The following ZNF519 variants were observed in gnomAD, a reference collection of about 807,000 sequenced individuals.
ZNF519 encodes zinc finger protein 519.
In ZNF519, 7 loss-of-function variants were observed where a neutral mutation model predicts 7.4. The ratio of observed to expected loss-of-function variants is 0.94; its 90% CI spans 0.54 to 1.77. The LOEUF (loss-of-function observed/expected upper bound fraction) is 1.77, where lower values mean the gene tolerates loss of function less well. Ranked by LOEUF, ZNF519 falls within the 40% of genes most tolerant of loss-of-function variation. The pLI, the probability that ZNF519 is intolerant of heterozygous loss-of-function variation, is 0.00. For synonymous variants in ZNF519, 179 were observed against 203.3 expected, an observed-to-expected ratio of 0.88 and a Z score of 1.02; for missense variants, 586 against 623.1, an observed-to-expected ratio of 0.94 and a Z score of 0.63.
intron 2 of ZNF519, among the ~76,000 whole-genome samples, chr18:14,112,737 T>C (rs2046227661): frequency 6.6e-6 from 1 of 152,124 alleles, no homozygotes; most frequent in Non-Finnish European, 1.5e-5. Flanking sequence ...TAAAGATCTG[T>C]ACAATGAACA....
In ZNF519 at chr18:14,102,029, G is replaced by A. The variant is rs912918612; in HGVS notation, c.*2888C>T. On this transcript the variant is annotated 3_prime_UTR_variant, in exon 3 of 3. Coordinates refer to ENST00000590202, the MANE Select transcript of ZNF519 (RefSeq NM_145287.4). ...TGATTATGTTTTTTGAGAATTTTAT[G>A]CCCTGGTAGACCACAAATGAACAAT... 1.0e-5 allele frequency: 3 copies of A among 299,618 alleles called. No homozygotes were observed. Among genetic ancestry groups the A allele is most frequent in the African/African-American group, 6.5e-5 (3 of 46,472 alleles). 18.6% of individuals were successfully genotyped at this position (299,618 alleles called of 1,614,324 possible).
At chr18:14,120,956 G>GGT (rs148411038) in intron 2 of ZNF519, among the ~76,000 whole-genome samples, 23 of 151,346 alleles carry the variant, frequency 1.5e-4, no homozygotes, top group Non-Finnish European at 2.7e-4. Flanking sequence ...GACAAAATAT[G>GGT]GTGTGTGTGT....
At position 14,132,258 on chromosome 18, in the gene ZNF519, C is replaced by A. The variant is rs2046334574; in HGVS notation, c.3+17G>T. The A allele has an allele frequency of 6.2e-7, 1 of 1,613,830 alleles. No individual in the cohort carries two copies. Among genetic ancestry groups the A allele is most frequent in the Admixed American group, 1.7e-5 (1 of 60,016 alleles). ...GCCCCCTCCCCAGTCTCGGTACGCC[C>A]TGCCCCCCACACTCACCATTTCTCG... On this transcript the variant is annotated intron_variant, in intron 1 of 2. Transcript: ENST00000590202.
chr18:14,111,560 A>G, intron 2 of ZNF519, among the ~76,000 whole-genome samples: 1 of 151,592 alleles, frequency 6.6e-6, no homozygotes. Context: ...AGAAAAAAAG[A>G]CTCAAATAAA....
At chr18:14,086,000 A>G (rs2143088020) in intron 2 of ZNF519, among the ~76,000 whole-genome samples, 1 of 152,228 alleles carries the variant, frequency 6.6e-6, no homozygotes, top group East Asian at 1.9e-4. Context: ...CCCAGTTTCC[A>G]TTGGCTTTGG....
chr18:14,124,590 TTAACACAGTA>T, intron 1 of ZNF519, 114 bp from the exon 2 acceptor site: 3 of 1,297,450 alleles, frequency 2.3e-6, no homozygotes, highest in Non-Finnish European at 3.2e-6. Context: ...AAAATAACTT[TTAACACAGTA>T]ATGTTCTCTA....
downstream of ZNF519, among the ~76,000 whole-genome samples, chr18:14,096,765 G>A (rs1354236226): frequency 1.3e-5 from 2 of 152,172 alleles, no homozygotes; most frequent in Non-Finnish European, 2.9e-5. Context: ...AATCTCTCTT[G>A]TGCAAAACAG....
Position 14,102,056 on chromosome 18 carries a change from T to A in ZNF519, c.*2861A>T, listed in dbSNP as rs1330260999. ...CCTGGTAGACCACAAATGAACAATC[T>A]TTGTCAACACCATTTTGTTAATTTG... On this transcript the variant is annotated 3_prime_UTR_variant, in exon 3 of 3. Transcript: ENST00000590202. 1 of 255,178 alleles carries A rather than the reference T, an allele frequency of 3.9e-6. No homozygotes were observed. The highest frequency in any genetic ancestry group is 7.3e-6 in the Non-Finnish European group (1 of 136,292). The allele number at this position is 255,178 out of a possible 1,614,324, so 15.8% of individuals were successfully genotyped here.
intron 2 of ZNF519, among the ~76,000 whole-genome samples, chr18:14,118,948 A>C (rs1363159513): frequency 6.6e-6 from 1 of 152,104 alleles, no homozygotes; most frequent in Non-Finnish European, 1.5e-5. Flanking sequence ...AGACAAACCC[A>C]TTCATACACC....
chr18:14,092,155 TG>T (rs1395960639), intron 2 of ZNF519, among the ~76,000 whole-genome samples: 4 of 151,746 alleles, frequency 2.6e-5, no homozygotes, highest in African/African-American at 9.7e-5. Context: ...GATGGAGAGA[TG>T]GGGTGAAGTC....
intron 2 of ZNF519, among the ~76,000 whole-genome samples, chr18:14,088,097 C>T (rs1392210186): frequency 6.6e-6 from 1 of 152,182 alleles, no homozygotes; most frequent in Non-Finnish European, 1.5e-5. Context: ...ACTTCAGGAA[C>T]ATTTGGGTAA....
At chr18:14,092,607 G>A (rs2046119100) in intron 2 of ZNF519, among the ~76,000 whole-genome samples, 1 of 152,080 alleles carries the variant, frequency 6.6e-6, no homozygotes, top group South Asian at 2.1e-4. Context: ...AGAAAGCCTC[G>A]ACAGTGACCT....
chr18:14,103,791 C>G lies in ZNF519; in HGVS notation c.*1126G>C, dbSNP rs1169064776. 1 of 152,018 alleles carries G rather than the reference C, an allele frequency of 6.6e-6. No individual in the cohort carries two copies. The highest frequency in any genetic ancestry group is 2.4e-5 in the African/African-American group (1 of 41,396). 9.4% of individuals were successfully genotyped at this position (152,018 alleles called of 1,614,324 possible). ...ATAGTATATCATTACCATTTACTAC[C>G]TGGAATCTTGAGCAAGGTGGAATAA... On this transcript the variant is annotated 3_prime_UTR_variant, in exon 3 of 3. Coordinates refer to ENST00000590202, the MANE Select transcript of ZNF519 (RefSeq NM_145287.4).
chr18:14,130,194 CAA>C (rs75044562), intron 1 of ZNF519, among the ~76,000 whole-genome samples: 40 of 127,802 alleles, frequency 3.1e-4, no homozygotes, highest in Admixed American at 3.2e-4. Flanking sequence ...CTCCGATGGT[CAA>C]AAAAAAAAAA....
intron 2 of ZNF519, among the ~76,000 whole-genome samples, chr18:14,110,248 A>C (rs1034147098): frequency 1.3e-5 from 2 of 152,172 alleles, no homozygotes; most frequent in African/African-American, 4.8e-5. Flanking sequence ...AAATTCTAAA[A>C]GGTAACATAT....
In ZNF519 at chr18:14,079,298, A is replaced by G. The variant is rs1263231138; in HGVS notation, c.*178-1000T>C. ...ACAAATGAAGAGATATACCATGCTC[A>G]TAGATAGGAAGACAATATTGTCTAG... On this transcript the variant is annotated intron_variant and NMD_transcript_variant, in intron 3 of 4. Transcript: ENST00000587419. Among the ~76,000 whole-genome samples, 5 of 152,234 alleles carry G rather than the reference A, an allele frequency of 3.3e-5. No homozygotes were observed. The East Asian group carries it at 9.6e-4, about 29-fold the overall frequency.
rs9958063 is a variant in ZNF519 at position 14,104,214 on chromosome 18, C to A, written c.*703G>T. 6.6e-6 allele frequency: 1 copy of A among 152,082 alleles called. No individual in the cohort carries two copies. Among genetic ancestry groups the A allele is most frequent in the South Asian group, 2.1e-4 (1 of 4,824 alleles). 9.4% of individuals were successfully genotyped at this position (152,082 alleles called of 1,614,324 possible). On this transcript the variant is annotated 3_prime_UTR_variant, in exon 3 of 3. Transcript: ENST00000590202. The stretch of plus-strand genomic sequence containing the variant: ...TAGAATATTAATGGACTAGCAAGAC[C>A]TTTTAATGGGTAGTTGGTAAAACTA...
intron 3 of ZNF519, among the ~76,000 whole-genome samples, chr18:14,081,598 G>C (rs967757222): frequency 6.6e-6 from 1 of 152,072 alleles, no homozygotes; most frequent in Non-Finnish European, 1.5e-5. Flanking sequence ...TTGTTATCAG[G>C]CATATAGCAT....
intron 2 of ZNF519, among the ~76,000 whole-genome samples, chr18:14,088,646 T>C (rs1402579761): frequency 3.3e-5 from 5 of 152,016 alleles, no homozygotes; most frequent in South Asian, 4.1e-4. Flanking sequence ...ATGAATAATA[T>C]ATGGAGTAAA....
Sources: gnomAD v4.1 joint callset for allele counts (sites outside exome capture counted in the v4.1 genomes callset) on GRCh38, gnomAD v4.1.1 for gene constraint, MANE v1.5 for transcripts, NCBI Gene and HGNC (gene_info 2026-07-23, HGNC 2026-07-21) for gene names.